Variants in PRKCE observed in about 807,000 individuals in gnomAD.
PRKCE encodes the protein protein kinase C epsilon type.
In PRKCE, 16 loss-of-function variants were observed where a neutral mutation model predicts 85.4. The observed-to-expected ratio is 0.19, with a 90% CI of 0.13 to 0.28. The LOEUF (loss-of-function observed/expected upper bound fraction) is 0.28. Among genes scored for constraint, PRKCE ranks in the 10% least tolerant of loss-of-function variants. The pLI, the probability that PRKCE is intolerant of heterozygous loss-of-function variation, is 1.00. For synonymous variants in PRKCE, 388 were observed against 371.5 expected (o/e 1.04, Z -0.51); for missense variants, 573 against 975.2 (o/e 0.59, Z 5.49).
At chr2:46,181,271 C>T (rs972431397) in intron 14 of PRKCE, among the ~76,000 whole-genome samples, 1 of 152,038 alleles carries the variant, frequency 6.6e-6, no homozygotes, top group Non-Finnish European at 1.5e-5. Context: ...TGGAAAACTC[C>T]CAAGCCTCTA....
intron 2 of PRKCE, among the ~76,000 whole-genome samples, chr2:45,940,146 C>G (rs970618865): frequency 8.5e-5 from 13 of 152,182 alleles, no homozygotes; most frequent in Admixed American, 6.5e-5. Flanking sequence ...GGAAGCTTCC[C>G]TCAGACCTCT....
intron 2 of PRKCE, among the ~76,000 whole-genome samples, chr2:45,957,429 G>T (rs1251717632): frequency 6.6e-6 from 1 of 152,176 alleles, no homozygotes; most frequent in East Asian, 1.9e-4. Context: ...ATGCACATAT[G>T]TGGATTAATT....
At chr2:46,110,731 C>A (rs909733543) in intron 11 of PRKCE, among the ~76,000 whole-genome samples, 11 of 151,428 alleles carry the variant, frequency 7.3e-5, no homozygotes, top group African/African-American at 2.7e-4. Context: ...TTTGTTTCTG[C>A]CTTAGGTTTA....
chr2:46,106,979 G>C (rs1336188456), intron 11 of PRKCE, among the ~76,000 whole-genome samples: 6 of 152,170 alleles, frequency 3.9e-5, no homozygotes, highest in African/African-American at 1.4e-4. Flanking sequence ...CACTCCATCT[G>C]GGATTTCTCA....
intron 1 of PRKCE, among the ~76,000 whole-genome samples, chr2:45,715,477 G>A (rs1435248845): frequency 1.3e-5 from 2 of 152,170 alleles, no homozygotes; most frequent in Non-Finnish European, 2.9e-5. Flanking sequence ...GGCTTCTCCT[G>A]TTGGAGGAAA....
At chr2:45,805,168 C>T (rs1362159072) in intron 1 of PRKCE, among the ~76,000 whole-genome samples, 1 of 152,102 alleles carries the variant, frequency 6.6e-6, no homozygotes, top group Non-Finnish European at 1.5e-5. Context: ...TACAGAAACC[C>T]TGTGGGTTAG....
intron 1 of PRKCE, among the ~76,000 whole-genome samples, chr2:45,817,831 T>C (rs1689204118): frequency 6.6e-6 from 1 of 152,172 alleles, no homozygotes; most frequent in South Asian, 2.1e-4. Context: ...TTAAGGCAAA[T>C]CTGGGTCTCT....
At chr2:46,180,632 T>A (rs1679882934) in intron 14 of PRKCE, among the ~76,000 whole-genome samples, 1 of 152,236 alleles carries the variant, frequency 6.6e-6, no homozygotes, top group Non-Finnish European at 1.5e-5. Context: ...TGCATGCCCA[T>A]GGCACACGAA....
intron 2 of PRKCE, among the ~76,000 whole-genome samples, chr2:45,855,214 G>A (rs557338108): frequency 4.4e-4 from 67 of 152,280 alleles, no homozygotes; most frequent in African/African-American, 1.5e-3. Context: ...ATATATACAA[G>A]TGGAGGCTGA....
intron 10 of PRKCE, among the ~76,000 whole-genome samples, chr2:46,048,353 T>C (rs1347388431): frequency 1.3e-5 from 2 of 152,238 alleles, no homozygotes; most frequent in African/African-American, 2.4e-5. Context: ...CTCAAGGGTA[T>C]TAACAAAATG....
chr2:45,672,331 A>C (rs188363920), intron 1 of PRKCE, among the ~76,000 whole-genome samples: 1 of 149,138 alleles, frequency 6.7e-6, no homozygotes, highest in Non-Finnish European at 1.5e-5. Context: ...TCCACCCATC[A>C]ATTCGTCCAT....
At chr2:46,149,356 CA>C (rs1263001661) in intron 12 of PRKCE, among the ~76,000 whole-genome samples, 3 of 152,086 alleles carry the variant, frequency 2.0e-5, no homozygotes, top group Admixed American at 6.6e-5. Flanking sequence ...ATATGCACTC[CA>C]ACCTTGTTTC....
intron 2 of PRKCE, among the ~76,000 whole-genome samples, chr2:45,903,898 TGTTTG>T (rs1696770204): frequency 1.0e-5 from 1 of 96,554 alleles, no homozygotes; most frequent in African/African-American, 2.9e-5. Flanking sequence ...TTTGTTTGTT[TGTTTG>T]TTTGTTTGTT....
At chr2:45,761,243 C>T (rs1040006038) in intron 1 of PRKCE, among the ~76,000 whole-genome samples, 16 of 140,218 alleles carry the variant, frequency 1.1e-4, no homozygotes, top group South Asian at 2.3e-4. Context: ...AGGAGAATGG[C>T]GTGAACCCGG....
At chr2:45,990,533 C>T (rs955483880) in intron 6 of PRKCE, among the ~76,000 whole-genome samples, 44 of 152,310 alleles carry the variant, frequency 2.9e-4, no homozygotes, top group African/African-American at 9.4e-4. Flanking sequence ...CAAATGCAAT[C>T]GTCTTGTCTA....
chr2:45,970,523 A>G (rs1702038407), intron 2 of PRKCE, among the ~76,000 whole-genome samples: 1 of 152,146 alleles, frequency 6.6e-6, no homozygotes, highest in Admixed American at 6.5e-5. Context: ...TAAATGTATC[A>G]TTAAAAAAGA....
chr2:45,660,277 G>T (rs1249348295), intron 1 of PRKCE, among the ~76,000 whole-genome samples: 1 of 152,156 alleles, frequency 6.6e-6, no homozygotes, highest in Admixed American at 6.5e-5. Context: ...GGAGGAAGGA[G>T]AAAAGGATAT....
chr2:45,711,418 C>A (rs896898318), intron 1 of PRKCE, among the ~76,000 whole-genome samples: 7 of 152,340 alleles, frequency 4.6e-5, no homozygotes, highest in African/African-American at 1.7e-4. Flanking sequence ...GAGTAAGTCA[C>A]TTAATGTCTC....
intron 1 of PRKCE, among the ~76,000 whole-genome samples, chr2:45,716,981 C>A (rs1680179281): frequency 6.6e-6 from 1 of 152,148 alleles, no homozygotes; most frequent in African/African-American, 2.4e-5. Context: ...GGAACTGCTC[C>A]CATGATTCAA....
Sources: gnomAD v4.1 joint callset for allele counts (sites outside exome capture counted in the v4.1 genomes callset) on GRCh38, gnomAD v4.1.1 for gene constraint, MANE v1.5 for transcripts, NCBI Gene and HGNC (gene_info 2026-07-23, HGNC 2026-07-21) for gene names.